The following EFNB2 variants were observed in gnomAD, a reference collection of about 807,000 sequenced individuals.
EFNB2 encodes the protein ephrin B2, also known as ephrin-B2.
In EFNB2, 5 loss-of-function variants were observed where a neutral mutation model predicts 32.1. The observed-to-expected ratio is 0.16, with a 90% CI of 0.08 to 0.33. EFNB2 has a LOEUF of 0.33. EFNB2 is among the 10% of genes least tolerant of loss of function. The pLI is 1.00. For missense variants in EFNB2, 263 were observed against 422.6 expected (o/e 0.62, Z 3.31); for synonymous variants, 168 against 166.5 (o/e 1.01, Z -0.07).
rs1878469607 is a variant in EFNB2 at position 106,493,169 on chromosome 13, G to T, written c.873C>A (p.Ile291=). The change falls in exon 5 of 5, where the codon ATC becomes ATA. Residue 291 remains isoleucine (I), a synonymous_variant. Transcript: ENST00000646441. This position sits in a 1 kb window ranked among gnomAD's most constrained non-coding sequence, Gnocchi z 6.1. ...AGACGCTGTCCGCAGTCCTTAGCGG[G>T]ATGATAATGTCACTGGGCTCTGAGC... ...NNGSEPSDII[I]PLRTADSVFC... is the part of the protein sequence containing the mutation. 5.6e-6 allele frequency: 9 copies of T among 1,614,184 alleles called. No individual in the cohort carries two copies. The highest frequency in any genetic ancestry group is 7.6e-6 in the Non-Finnish European group (9 of 1,180,036).
chr13:106,531,056 T>A (rs528595141), intron 1 of EFNB2, among the ~76,000 whole-genome samples: 1 of 152,326 alleles, frequency 6.6e-6, no homozygotes, highest in Admixed American at 6.5e-5. Flanking sequence ...CAGAAGCCTC[T>A]GGAAATGTTG....
At chr13:106,519,793 T>C (rs1284947152) in intron 1 of EFNB2, 1 of 152,218 alleles carries the variant, frequency 6.6e-6, no homozygotes, top group Non-Finnish European at 1.5e-5. Context: ...TCAATGCTTT[T>C]GTGATAAGAT....
chr13:106,523,947 T>C (rs1174613233), intron 1 of EFNB2, among the ~76,000 whole-genome samples: 2 of 152,196 alleles, frequency 1.3e-5, no homozygotes, highest in African/African-American at 4.8e-5. Context: ...CTCAAAAATC[T>C]GACCTCCTTT....
chr13:106,502,906 T>C (rs1358816093), intron 2 of EFNB2, among the ~76,000 whole-genome samples: 1 of 152,134 alleles, frequency 6.6e-6, no homozygotes, highest in Non-Finnish European at 1.5e-5. Flanking sequence ...TGCAAGCACA[T>C]GTACACATAG....
intron 2 of EFNB2, among the ~76,000 whole-genome samples, chr13:106,500,227 G>A (rs114680424): frequency 3.7e-4 from 56 of 152,284 alleles, no homozygotes; most frequent in African/African-American, 1.3e-3. Flanking sequence ...AGGAGGCTAA[G>A]CTCCAGCCCC....
intron 2 of EFNB2, among the ~76,000 whole-genome samples, chr13:106,497,468 A>G (rs1878628931): frequency 6.6e-6 from 1 of 151,940 alleles, no homozygotes; most frequent in Admixed American, 6.6e-5. Flanking sequence ...AGCTTAAAAA[A>G]AAAAAAACCT....
intron 1 of EFNB2, chr13:106,519,122 A>C (rs1006046488): frequency 6.6e-6 from 1 of 152,146 alleles, no homozygotes. Flanking sequence ...CAAAAAAGAT[A>C]CAAACAGGAA....
In EFNB2 at chr13:106,492,786, C is replaced by T. The variant is rs1186235339; in HGVS notation, c.*254G>A. On this transcript the variant is annotated 3_prime_UTR_variant, in exon 5 of 5. Transcript: ENST00000646441. The surrounding 1 kb of genome is among the most constrained non-coding windows in gnomAD (Gnocchi z 5.1). ...ATGGCTTCGAGGAGGAGACGTGGGA[C>T]GCGGCACAGCAGTCCGAATGGGCGT... is the stretch of plus-strand genomic sequence containing the variant. 3 of 417,406 alleles carry T rather than the reference C, an allele frequency of 7.2e-6. No homozygotes were observed. The highest frequency in any genetic ancestry group is 3.7e-5 in the Admixed American group (1 of 27,308). 25.9% of individuals were successfully genotyped at this position (417,406 alleles called of 1,614,324 possible).
intron 1 of EFNB2, among the ~76,000 whole-genome samples, chr13:106,532,269 G>C (rs969624037): frequency 6.6e-6 from 1 of 152,074 alleles, no homozygotes; most frequent in Non-Finnish European, 1.5e-5. Flanking sequence ...ATTTACAAAG[G>C]GTTTTCTGGA....
intron 1 of EFNB2, among the ~76,000 whole-genome samples, chr13:106,532,368 T>C (rs1490714494): frequency 1.3e-5 from 2 of 152,210 alleles, no homozygotes; most frequent in Admixed American, 6.5e-5. Flanking sequence ...TAATTACTGA[T>C]GGCGGCTTCA....
intron 2 of EFNB2, among the ~76,000 whole-genome samples, chr13:106,503,245 A>C (rs187216794): frequency 0.012 from 1,815 of 152,278 alleles, 13 homozygotes; most frequent in Non-Finnish European, 0.02. Flanking sequence ...TAAGAAAAAA[A>C]ATTTAACATA....
chr13:106,501,737 A>T (rs531398653), intron 2 of EFNB2, among the ~76,000 whole-genome samples: 4 of 151,760 alleles, frequency 2.6e-5, no homozygotes, highest in South Asian at 2.1e-4. Context: ...GGACTACAGG[A>T]GCCCGCCACC....
Position 106,492,834 on chromosome 13 carries a change from C to G in EFNB2, c.*206G>C. The G allele has an allele frequency of 1.6e-6, 1 of 624,064 alleles. No homozygotes were observed. Among genetic ancestry groups the G allele is most frequent in the Non-Finnish European group, 2.7e-6 (1 of 373,470 alleles). 38.7% of individuals were successfully genotyped at this position (624,064 alleles called of 1,614,324 possible). ...CGTCTTCTGCACAGTCTTCCAGCTT[C>G]CAGGGAGCGTGTGTGTTCACCAAGG... On this transcript the variant is annotated 3_prime_UTR_variant, in exon 5 of 5. Coordinates refer to ENST00000646441, the MANE Select transcript of EFNB2 (RefSeq NM_004093.4). The surrounding 1 kb of genome is among the most constrained non-coding windows in gnomAD (Gnocchi z 5.1).
intron 1 of EFNB2, among the ~76,000 whole-genome samples, chr13:106,531,573 G>A (rs972992874): frequency 5.3e-5 from 8 of 152,202 alleles, no homozygotes; most frequent in African/African-American, 1.7e-4. Flanking sequence ...AAGGCAGGCT[G>A]GCTTATATAT....
chr13:106,497,021 A>G (rs1485192252), intron 2 of EFNB2, among the ~76,000 whole-genome samples: 3 of 152,226 alleles, frequency 2.0e-5, no homozygotes, highest in Non-Finnish European at 4.4e-5. Context: ...TGAAAAAAGG[A>G]TTGATTTTCT....
intron 4 of EFNB2, among the ~76,000 whole-genome samples, chr13:106,494,077 C>T (rs1473992795): frequency 6.6e-6 from 1 of 152,230 alleles, no homozygotes; most frequent in Non-Finnish European, 1.5e-5. Flanking sequence ...ATTATATTAT[C>T]CATTTATCAG....
At chr13:106,520,817 T>G (rs1879487168) in intron 1 of EFNB2, 1 of 152,164 alleles carries the variant, frequency 6.6e-6, no homozygotes, top group African/African-American at 2.4e-5. Context: ...CACTTTAACA[T>G]CAGAACAAGT....
chr13:106,517,726 T>C (rs1237324307), intron 1 of EFNB2: 3 of 152,108 alleles, frequency 2.0e-5, no homozygotes, highest in Non-Finnish European at 2.9e-5. Flanking sequence ...AGCAAGACAA[T>C]AGATGCCCTG....
chr13:106,495,380 AG>A (rs34373023), intron 3 of EFNB2, among the ~76,000 whole-genome samples: 13,107 of 152,324 alleles, frequency 0.086, 765 homozygotes, highest in Middle Eastern at 0.16. Context: ...TCTGTAGTCA[AG>A]ATTCAGAAAT....
Sources: gnomAD v4.1 joint callset for allele counts (sites outside exome capture counted in the v4.1 genomes callset) on GRCh38, gnomAD v4.1.1 for gene constraint, Gnocchi (gnomAD v3.1) non-coding constraint, MANE v1.5 for transcripts, NCBI Gene and HGNC (gene_info 2026-07-23, HGNC 2026-07-21) for gene names.